Variants in GRIK2 observed in about 807,000 individuals in gnomAD.
GRIK2 encodes the protein glutamate ionotropic receptor kainate type subunit 2, also known as glutamate receptor ionotropic, kainate 2.
In GRIK2, 32 loss-of-function variants were observed where a neutral mutation model predicts 100.3. The observed-to-expected ratio is 0.32, with a 90% confidence interval of 0.24 to 0.43. The LOEUF (loss-of-function observed/expected upper bound fraction) is 0.43. Among genes scored for constraint, GRIK2 ranks in the 20% least tolerant of loss-of-function variants. The pLI is 1.00. For missense variants in GRIK2, 843 were observed against 1,114.9 expected (o/e 0.76, Z 3.47); for synonymous variants, 417 against 389.4 (o/e 1.07, Z -0.83).
intron 10 of GRIK2, among the ~76,000 whole-genome samples, chr6:101,840,530 A>G (rs1371808910): frequency 6.6e-6 from 1 of 152,232 alleles, no homozygotes; most frequent in Non-Finnish European, 1.5e-5. Context: ...TTCCTCTCAT[A>G]GAAAACACAC....
intron 7 of GRIK2, among the ~76,000 whole-genome samples, chr6:101,694,720 G>T (rs970035367): frequency 6.6e-6 from 1 of 151,770 alleles, no homozygotes; most frequent in African/African-American, 2.4e-5. Flanking sequence ...TTGCATTCAG[G>T]GTAAAAATAC....
intron 11 of GRIK2, among the ~76,000 whole-genome samples, chr6:101,873,260 A>C (rs989093778): frequency 1.1e-5 from 1 of 89,748 alleles, no homozygotes; most frequent in South Asian, 4.6e-4. Context: ...CCCACCCCAC[A>C]ATAAGCCCCA....
In GRIK2 at chr6:101,744,444, A is replaced by G. The variant is rs538786673; in HGVS notation, c.952-55204A>G. 1.1e-4 allele frequency among the ~76,000 whole-genome samples: 16 copies of G among 147,526 alleles called. No individual in the cohort carries two copies. The South Asian group carries it at 3.2e-3, about 30-fold the overall frequency. On this transcript the variant is annotated intron_variant, in intron 7 of 16. Transcript: ENST00000369134. ...ATTCCACGATTCCATCCAGGTTGCT[A>G]TGAATGCCATTATTTCATTCTTTAT...
At chr6:101,890,689 C>A (rs1376528907) in intron 12 of GRIK2, among the ~76,000 whole-genome samples, 1 of 151,808 alleles carries the variant, frequency 6.6e-6, no homozygotes, top group East Asian at 1.9e-4. Context: ...TTATTTTACT[C>A]TCGGAGGTGT....
intron 10 of GRIK2, among the ~76,000 whole-genome samples, chr6:101,857,880 C>T (rs928272260): frequency 6.6e-6 from 1 of 152,148 alleles, no homozygotes; most frequent in Admixed American, 6.5e-5. Flanking sequence ...CTTGTTCAAC[C>T]AACTCACTCA....
At chr6:101,953,337 C>A (rs2128479968) in intron 14 of GRIK2, among the ~76,000 whole-genome samples, 1 of 152,214 alleles carries the variant, frequency 6.6e-6, no homozygotes, top group East Asian at 1.9e-4. Flanking sequence ...TGAGGAAAAT[C>A]AAACTACTTT....
intron 15 of GRIK2, among the ~76,000 whole-genome samples, chr6:102,048,364 T>G (rs1771007458): frequency 6.6e-6 from 1 of 151,974 alleles, no homozygotes; most frequent in African/African-American, 2.4e-5. Context: ...CAAATGGGAT[T>G]ACATCAAACT....
At chr6:101,773,908 C>T (rs1252704401) in intron 7 of GRIK2, among the ~76,000 whole-genome samples, 1 of 152,008 alleles carries the variant, frequency 6.6e-6, no homozygotes, top group Non-Finnish European at 1.5e-5. Context: ...GTTGCTACTA[C>T]AATTATTGTA....
chr6:101,538,159 G>T (rs1775805988), intron 2 of GRIK2, among the ~76,000 whole-genome samples: 1 of 151,740 alleles, frequency 6.6e-6, no homozygotes, highest in Admixed American at 6.6e-5. Context: ...GCTTATATTT[G>T]CAGGACTAGA....
intron 2 of GRIK2, among the ~76,000 whole-genome samples, chr6:101,496,410 T>A (rs1411881456): frequency 6.6e-6 from 1 of 152,238 alleles, no homozygotes; most frequent in East Asian, 1.9e-4. Flanking sequence ...TGAAAGTTAA[T>A]GACATGCCTT....
At chr6:101,805,539 T>G (rs1315221805) in intron 9 of GRIK2, among the ~76,000 whole-genome samples, 1 of 152,026 alleles carries the variant, frequency 6.6e-6, no homozygotes, top group Non-Finnish European at 1.5e-5. Context: ...GCCTATTGCC[T>G]TTTCTTCATT....
At chr6:101,403,039 C>A (rs1775410559) in intron 2 of GRIK2, among the ~76,000 whole-genome samples, 1 of 152,186 alleles carries the variant, frequency 6.6e-6, no homozygotes, top group East Asian at 1.9e-4. Flanking sequence ...TACGGAAGTG[C>A]GAGGGAGCTC....
intron 14 of GRIK2, among the ~76,000 whole-genome samples, chr6:101,940,737 A>G (rs1340270): frequency 0.34 from 51,985 of 152,010 alleles, 10,685 homozygotes; most frequent in East Asian, 0.59. Flanking sequence ...TCTTCCAAGA[A>G]ATTTTACTAT....
chr6:101,970,245 G>C (rs143570303), intron 14 of GRIK2, among the ~76,000 whole-genome samples: 78 of 151,428 alleles, frequency 5.2e-4, no homozygotes, highest in African/African-American at 1.8e-3. Flanking sequence ...GCAAAAATGT[G>C]GCCATCTCAA....
At chr6:101,586,678 G>A (rs1400403510) in intron 2 of GRIK2, among the ~76,000 whole-genome samples, 1 of 151,476 alleles carries the variant, frequency 6.6e-6, no homozygotes, top group African/African-American at 2.4e-5. Flanking sequence ...AGACGAGCCT[G>A]GCCAATATGG....
At chr6:101,646,697 A>G (rs1353739289) in intron 4 of GRIK2, among the ~76,000 whole-genome samples, 1 of 151,990 alleles carries the variant, frequency 6.6e-6, no homozygotes, top group African/African-American at 2.4e-5. Flanking sequence ...GCAATTGGGC[A>G]TTACTTTTGA....
intron 4 of GRIK2, among the ~76,000 whole-genome samples, chr6:101,668,242 ATC>A (rs1456292283): frequency 6.6e-6 from 1 of 152,020 alleles, no homozygotes; most frequent in Non-Finnish European, 1.5e-5. Flanking sequence ...AGCCCCAATT[ATC>A]TCTGTTTTCA....
At chr6:101,780,432 T>C (rs2128401578) in intron 7 of GRIK2, among the ~76,000 whole-genome samples, 1 of 152,294 alleles carries the variant, frequency 6.6e-6, no homozygotes. Flanking sequence ...AACCTTCCTA[T>C]CTTCAGTTTC....
rs768038831 is a variant in GRIK2 at position 102,051,332 on chromosome 6, C to CT, written c.2312-3990dup. Among the ~76,000 whole-genome samples the CT allele has an allele frequency of 1.9e-4, 24 of 125,310 alleles. 1 individual carries two copies. In the East Asian group the frequency reaches 2.2e-3, roughly 11 times the overall value. The allele number at this position is 125,310 out of a possible 152,430, so 82.2% of individuals were successfully genotyped here. On this transcript the variant is annotated intron_variant, in intron 15 of 16. Transcript: ENST00000369134. ...TCCTTCCACTCTCTGCAAGCTAGGA[C>CT]TTTTTTTTACTTGGTAAAAGGGATC... is the stretch of plus-strand genomic sequence containing the variant.
Sources: allele counts gnomAD v4.1 joint callset (sites outside exome capture counted in the v4.1 genomes callset), GRCh38; gene constraint gnomAD v4.1.1; transcripts MANE v1.5; gene names NCBI Gene and HGNC (gene_info 2026-07-23, HGNC 2026-07-21).